ARHGAP23: variants seen among roughly 807,000 people sequenced by gnomAD.
ARHGAP23 encodes Rho GTPase activating protein 23.
A neutral mutation model predicts 136.3 loss-of-function variants in ARHGAP23; 34 were observed. The observed-to-expected ratio is 0.25, with a 90% confidence interval of 0.19 to 0.33. The LOEUF is 0.33. ARHGAP23 is among the 10% of genes least tolerant of loss of function. The probability of loss-of-function intolerance (pLI) is 1.00; values close to 1 mark genes in which losing one functional copy is unlikely to be tolerated. For synonymous variants in ARHGAP23, 832 were observed against 920.5 expected (o/e 0.90, Z 1.74); for missense variants, 1,808 against 2,139.0 (o/e 0.85, Z 3.05).
chr17:38,481,142 AT>A (rs1044425551), intron 14 of ARHGAP23, among the ~76,000 whole-genome samples: 83 of 146,358 alleles, frequency 5.7e-4, no homozygotes, highest in African/African-American at 6.0e-4. Context: ...CGCCCGGCTA[AT>A]TTTTTTTTTT....
intron 1 of ARHGAP23, among the ~76,000 whole-genome samples, chr17:38,431,308 C>T (rs143413674): frequency 4.6e-5 from 7 of 152,332 alleles, no homozygotes; most frequent in South Asian, 2.1e-4. Context: ...GGCCAGGGCT[C>T]GGTTCACTGG....
At position 38,435,490 on chromosome 17, in the gene ARHGAP23, C is replaced by A. The variant is rs146969378; in HGVS notation, c.63+6942C>A. On this transcript the variant is annotated intron_variant, in intron 1 of 23. Coordinates refer to ENST00000622683, the MANE Select transcript of ARHGAP23 (RefSeq NM_001199417.2). ...TGGACTGAGCAATGCACAGGGGAGC[C>A]TTTGGCAGCCCAAGGGAGAACCTTG... is the stretch of plus-strand genomic sequence containing the variant. Among the ~76,000 whole-genome samples the A allele has an allele frequency of 1.1e-3, 165 of 152,320 alleles. 2 individuals carry two copies. Among genetic ancestry groups the A allele is most frequent in the African/African-American group, 3.8e-3 (156 of 41,570 alleles).
intron 1 of ARHGAP23, among the ~76,000 whole-genome samples, chr17:38,455,487 G>C (rs115191952): frequency 0.01 from 1,552 of 152,302 alleles, 22 homozygotes; most frequent in African/African-American, 0.035. Flanking sequence ...TTCCATGCAG[G>C]CCCTCCCAGG....
In ARHGAP23 at chr17:38,459,869, C is replaced by T. The variant is rs553973534; in HGVS notation, c.226-1036C>T. Among the ~76,000 whole-genome samples the T allele has an allele frequency of 5.9e-5, 9 of 152,314 alleles. 1 individual carries two copies. The highest frequency in any genetic ancestry group is 1.3e-4 in the Admixed American group (2 of 15,306). ...CCGGAGTGCACCCCACACAGGAGGACGGGGGCAGAGTGCTTGCTCCCCAGA... is the reference window on the plus strand; with the variant it reads ...CCGGAGTGCACCCCACACAGGAGGATGGGGGCAGAGTGCTTGCTCCCCAGA... On this transcript the variant is annotated intron_variant, in intron 2 of 23. Coordinates refer to ENST00000622683, the MANE Select transcript of ARHGAP23 (RefSeq NM_001199417.2).
intron 6 of ARHGAP23, among the ~76,000 whole-genome samples, chr17:38,465,950 A>G (rs188042222): frequency 7.2e-5 from 11 of 151,932 alleles, no homozygotes; most frequent in Admixed American, 6.5e-4. Context: ...CTTTTGCTGG[A>G]GTTTGCCTGC....
At chr17:38,473,664 C>A (rs927289139) in intron 11 of ARHGAP23, among the ~76,000 whole-genome samples, 1 of 125,316 alleles carries the variant, frequency 8.0e-6, no homozygotes, top group African/African-American at 3.0e-5. Context: ...CACAGACTGC[C>A]GTGATGCCGG....
chr17:38,498,267 G>A lies in ARHGAP23; in HGVS notation c.3319-147G>A, dbSNP rs755075312. ...ACATGTAGGAATCATCCTCAAGAGCGCCCGGCTGATGAGGGAGACGGTCCC... is the reference window on the plus strand; with the variant it reads ...ACATGTAGGAATCATCCTCAAGAGCACCCGGCTGATGAGGGAGACGGTCCC... On this transcript the variant is annotated intron_variant, in intron 21 of 23. Coordinates refer to ENST00000622683, the MANE Select transcript of ARHGAP23 (RefSeq NM_001199417.2). 8.9e-4 allele frequency: 539 copies of A among 608,422 alleles called. 5 individuals are homozygous for A. The highest frequency in any genetic ancestry group is 3.6e-3 in the East Asian group (121 of 33,860). The allele number at this position is 608,422 out of a possible 1,614,324, so 37.7% of individuals were successfully genotyped here. A position where few individuals can be genotyped will look rare whatever the true frequency, so the allele number is the denominator to read the frequency against.
upstream of ARHGAP23, among the ~76,000 whole-genome samples, chr17:38,426,143 G>A (rs974326528): frequency 3.9e-5 from 6 of 152,032 alleles, no homozygotes; most frequent in Admixed American, 3.9e-4. Flanking sequence ...CCTTTATCCT[G>A]GGAGGAAAGG....
intron 1 of ARHGAP23, chr17:38,450,274 A>T (rs1280095602): frequency 6.6e-6 from 1 of 152,228 alleles, no homozygotes; most frequent in Non-Finnish European, 1.5e-5. Flanking sequence ...GGTACTCAAG[A>T]TGTGGTTAAA....
chr17:38,466,660 C>A lies in ARHGAP23; in HGVS notation c.977C>A (p.Pro326His). 1 of 1,512,404 alleles carries A rather than the reference C, an allele frequency of 6.6e-7. No individual in the cohort carries two copies. The highest frequency in any genetic ancestry group is 8.8e-7 in the Non-Finnish European group (1 of 1,132,970). The allele number at this position is 1,512,404 out of a possible 1,614,324, so 93.7% of individuals were successfully genotyped here. The change falls in exon 7 of 24, where the codon CCC becomes CAC. Residue 326 changes from proline to histidine, a missense_variant. By Grantham distance (77) the Pro-to-His change is moderately conservative (BLOSUM62 -2). Around this residue, in one of 7 missense-constraint regions of ARHGAP23, gnomAD observed 859 missense variants for 936.4 expected, o/e 0.92. Coordinates refer to ENST00000622683, the MANE Select transcript of ARHGAP23 (RefSeq NM_001199417.2). ...SQDRLEEVAA[P>H]RPWPCSTSQD... is the part of the protein sequence containing the mutation. ...GACCGGTTGGAGGAGGTGGCTGCCC[C>A]CCGCCCGTGGCCCTGCTCCACCTCC...
At chr17:38,469,448 C>T in intron 8 of ARHGAP23, 76 bp from the exon 9 acceptor site, 1 of 1,481,308 alleles carries the variant, frequency 6.8e-7, no homozygotes, top group South Asian at 1.3e-5. Context: ...CTGCCCCTGC[C>T]CAGAAGGGAG....
chr17:38,492,174 A>T (rs1458681151), intron 20 of ARHGAP23, among the ~76,000 whole-genome samples: 2 of 152,198 alleles, frequency 1.3e-5, no homozygotes, highest in Non-Finnish European at 2.9e-5. Context: ...AGGAGAACCC[A>T]GAGTGGCCAG....
chr17:38,500,663 T>C, intron 23 of ARHGAP23, 35 bp downstream of exon 23: 2 of 1,540,850 alleles, frequency 1.3e-6, no homozygotes, highest in African/African-American at 2.7e-5. Flanking sequence ...GCTTGATCCC[T>C]GTACAAGGCA....
intron 11 of ARHGAP23, among the ~76,000 whole-genome samples, chr17:38,476,415 A>C (rs1257229158): frequency 6.6e-6 from 1 of 152,144 alleles, no homozygotes; most frequent in Non-Finnish European, 1.5e-5. Flanking sequence ...TTTCTGGGCA[A>C]CTGGATGGAT....
Position 38,466,186 on chromosome 17 carries a change from A to G in ARHGAP23, c.503A>G (p.Tyr168Cys). 4 of 1,506,916 alleles carry G rather than the reference A, an allele frequency of 2.7e-6. No homozygotes were observed. Among genetic ancestry groups the G allele is most frequent in the South Asian group, 2.5e-5 (2 of 80,092 alleles). 93.3% of individuals were successfully genotyped at this position (1,506,916 alleles called of 1,614,324 possible). Residue 168 changes from tyrosine (Y) to cysteine (C), a missense_variant, in exon 7 of 24, where the codon TAC (tyrosine) becomes TGC (cysteine). By Grantham distance (194) the Tyr-to-Cys change is radical. Transcript: ENST00000622683. The part of the protein sequence containing the change: ...ILQLAYSQDA[Y>C]LKGNEPYSGE... Reference sequence around the variant, plus strand: ...GGCCAGGCCTACTCCCAGGATGCCTACCTGAAAGGGAACGAGCCGTATTCT... The same window carrying G: ...GGCCAGGCCTACTCCCAGGATGCCTGCCTGAAAGGGAACGAGCCGTATTCT...
At chr17:38,481,883 A>G (rs2040051126) in intron 14 of ARHGAP23, 139 bp from the exon 15 acceptor site, 1 of 852,752 alleles carries the variant, frequency 1.2e-6, no homozygotes. Flanking sequence ...CTCTTGCCAT[A>G]CAATGTCCCA....
At chr17:38,506,887 T>C (rs923202594) in intron 23 of ARHGAP23, among the ~76,000 whole-genome samples, 1 of 152,298 alleles carries the variant, frequency 6.6e-6, no homozygotes, top group Non-Finnish European at 1.5e-5. Context: ...CTCTGAGCAC[T>C]GCACTGGCCA....
At chr17:38,435,205 A>G (rs1386527609) in intron 1 of ARHGAP23, among the ~76,000 whole-genome samples, 1 of 152,142 alleles carries the variant, frequency 6.6e-6, no homozygotes, top group African/African-American at 2.4e-5. Flanking sequence ...TGTGGTTGGA[A>G]CTGTAGGGAC....
At chr17:38,426,569 A>T (rs1176337123), upstream of ARHGAP23, among the ~76,000 whole-genome samples, 1 of 151,022 alleles carries the variant, frequency 6.6e-6, no homozygotes, top group Admixed American at 6.6e-5. Context: ...AAAAAAAAAA[A>T]AAATCCAGGC....
Sources: allele counts gnomAD v4.1 joint callset (sites outside exome capture counted in the v4.1 genomes callset), GRCh38; gene constraint gnomAD v4.1.1; regional missense constraint gnomAD v4.1.1; transcripts MANE v1.5; gene names NCBI Gene and HGNC (gene_info 2026-07-23, HGNC 2026-07-21).